The following XRCC6 variants were observed in gnomAD, a reference collection of about 807,000 sequenced individuals.
XRCC6 encodes the protein X-ray repair cross complementing 6.
Under a neutral mutation model 65.7 loss-of-function variants are expected in XRCC6, and 5 were observed. The observed-to-expected ratio is 0.08, with a 90% CI of 0.04 to 0.16. The LOEUF (loss-of-function observed/expected upper bound fraction) is 0.16, where lower values mean the gene tolerates loss of function less well. Among genes scored for constraint, XRCC6 ranks in the 10% least tolerant of loss-of-function variants. The probability of loss-of-function intolerance (pLI) is 1.00; values close to 1 mark genes in which losing one functional copy is unlikely to be tolerated. For synonymous variants in XRCC6, 270 were observed against 270.6 expected (o/e 1.00, Z 0.02); for missense variants, 447 against 738.1 (o/e 0.61, Z 4.57).
In XRCC6 at chr22:41,634,546, CTT is replaced by C. The variant is rs11322023; in HGVS notation, c.196-1552_196-1551del. 4.8e-3 allele frequency among the ~76,000 whole-genome samples: 597 copies of C among 123,392 alleles called. 5 individuals carry two copies. The highest frequency in any genetic ancestry group is 0.017 in the African/African-American group (554 of 33,390). The allele number at this position is 123,392 out of a possible 152,430, so 80.9% of individuals were successfully genotyped here. On this transcript the variant is annotated intron_variant, in intron 3 of 12. Transcript: ENST00000360079. ...TAGGCCCCTAGAACTGATGAACTCT[CTT>C]TTTTTTTTTTTTTTGAGATGGAGTC...
At chr22:41,638,776 CAAAAA>C (rs56677816) in intron 6 of XRCC6, among the ~76,000 whole-genome samples, 1 of 65,700 alleles carries the variant, frequency 1.5e-5, no homozygotes, top group Non-Finnish European at 2.9e-5. Flanking sequence ...GACTCCGCCT[CAAAAA>C]AAAAAAAAAA....
intron 2 of XRCC6, among the ~76,000 whole-genome samples, chr22:41,627,332 G>A (rs2067688997): frequency 6.6e-6 from 1 of 151,986 alleles, no homozygotes; most frequent in African/African-American, 2.4e-5. Context: ...AGGGCGGGGT[G>A]GGGTGCGGTG....
chr22:41,648,696 A>G (rs2147102066), intron 7 of XRCC6, among the ~76,000 whole-genome samples: 1 of 152,296 alleles, frequency 6.6e-6, no homozygotes, highest in East Asian at 1.9e-4. Context: ...TTTAGGGCCT[A>G]TAAGGATGAC....
rs944506740 is a variant in XRCC6 at position 41,628,227 on chromosome 22, C to T, written c.192C>T (p.Ile64=). The T allele has an allele frequency of 6.2e-6, 10 of 1,610,258 alleles. No individual in the cohort carries two copies. The highest frequency in any genetic ancestry group is 1.7e-5 in the Admixed American group (1 of 59,496). ...EDELTPFDMS[I]QCIQSVYISK... is the part of the protein sequence containing the mutation. ...AGTTGACACCTTTTGACATGAGCATCCAGGTAAGACTACCTTTTAATTTAA... is the reference window on the plus strand; with the variant it reads ...AGTTGACACCTTTTGACATGAGCATTCAGGTAAGACTACCTTTTAATTTAA... Residue 64 remains isoleucine (I), a synonymous_variant, in exon 3 of 13, where the codon ATC becomes ATT. Coordinates refer to ENST00000360079, the MANE Select transcript of XRCC6 (RefSeq NM_001469.5).
At chr22:41,644,227 C>G (rs1297270099) in intron 6 of XRCC6, among the ~76,000 whole-genome samples, 1 of 151,902 alleles carries the variant, frequency 6.6e-6, no homozygotes, top group African/African-American at 2.4e-5. Flanking sequence ...TCAAAAATTT[C>G]AGGTTTTCCC....
intron 9 of XRCC6, among the ~76,000 whole-genome samples, chr22:41,655,712 A>T (rs1362085959): frequency 2.3e-5 from 3 of 132,122 alleles, no homozygotes; most frequent in African/African-American, 3.2e-5. Flanking sequence ...AAAAAAAAAA[A>T]TAGTTTTTTC....
chr22:41,626,392 C>T (rs1434190642), intron 2 of XRCC6, among the ~76,000 whole-genome samples: 7 of 152,324 alleles, frequency 4.6e-5, no homozygotes, highest in South Asian at 2.1e-4. Flanking sequence ...CCACATGCCT[C>T]GGCCTCCCAA....
intron 3 of XRCC6, among the ~76,000 whole-genome samples, chr22:41,633,581 C>T (rs1033519710): frequency 6.6e-6 from 1 of 152,094 alleles, no homozygotes; most frequent in Non-Finnish European, 1.5e-5. Flanking sequence ...TGGGGTTTCA[C>T]CATGTTAGCC....
chr22:41,662,699 C>T (rs866886105), intron 12 of XRCC6, among the ~76,000 whole-genome samples: 4 of 152,156 alleles, frequency 2.6e-5, no homozygotes, highest in Admixed American at 6.6e-5. Context: ...GCTTCCAAAA[C>T]AGTGATTTAC....
chr22:41,631,064 C>A (rs550775456), intron 3 of XRCC6, among the ~76,000 whole-genome samples: 1 of 150,440 alleles, frequency 6.6e-6, no homozygotes, highest in African/African-American at 2.5e-5. Flanking sequence ...CCTCACCTCC[C>A]GGACAGGGCT....
chr22:41,637,553 C>T lies in XRCC6; in HGVS notation c.590-55C>T. Reference sequence around the variant, plus strand: ...GTTTCAGTTTTAACTGAAAGAACTTCTCACTTGCTGAAAATTGTTTTTTCC... The same window carrying T: ...GTTTCAGTTTTAACTGAAAGAACTTTTCACTTGCTGAAAATTGTTTTTTCC... On this transcript the variant is annotated intron_variant, in intron 5 of 12. Coordinates refer to ENST00000360079, the MANE Select transcript of XRCC6 (RefSeq NM_001469.5). 3.5e-6 allele frequency: 5 copies of T among 1,431,624 alleles called. No homozygotes were observed. In the South Asian group the frequency reaches 7.2e-5, roughly 21 times the overall value. 88.7% of individuals were successfully genotyped at this position (1,431,624 alleles called of 1,614,324 possible).
chr22:41,633,276 T>C (rs770403581), intron 3 of XRCC6, among the ~76,000 whole-genome samples: 1 of 152,238 alleles, frequency 6.6e-6, no homozygotes, highest in Non-Finnish European at 1.5e-5. Flanking sequence ...TGATTCTCTA[T>C]GTCTAGAATG....
At chr22:41,655,367 G>T (rs1403285754) in intron 9 of XRCC6, among the ~76,000 whole-genome samples, 1 of 151,258 alleles carries the variant, frequency 6.6e-6, no homozygotes, top group African/African-American at 2.4e-5. Flanking sequence ...AAGATACATG[G>T]TAAGAAGGAA....
At chr22:41,635,147 C>T (rs1242106855) in intron 3 of XRCC6, among the ~76,000 whole-genome samples, 1 of 152,156 alleles carries the variant, frequency 6.6e-6, no homozygotes, top group Admixed American at 6.6e-5. Flanking sequence ...TGCATATAAC[C>T]TACACACATC....
chr22:41,630,796 C>G (rs2147073486), intron 3 of XRCC6, among the ~76,000 whole-genome samples: 1 of 152,178 alleles, frequency 6.6e-6, no homozygotes, highest in East Asian at 1.9e-4. Context: ...CACAGATCAA[C>G]AGGATCCCAA....
chr22:41,623,776 A>G (rs2067638091), intron 2 of XRCC6, among the ~76,000 whole-genome samples: 1 of 152,028 alleles, frequency 6.6e-6, no homozygotes, highest in South Asian at 2.1e-4. Context: ...GCTGGAGTGC[A>G]CTGACTCAAT....
intron 7 of XRCC6, among the ~76,000 whole-genome samples, chr22:41,649,374 C>T (rs1221246285): frequency 6.7e-6 from 1 of 150,102 alleles, no homozygotes; most frequent in Non-Finnish European, 1.5e-5. Context: ...CAGGATCTCA[C>T]TATGTTACCC....
At chr22:41,632,878 C>T (rs2067770885) in intron 3 of XRCC6, among the ~76,000 whole-genome samples, 1 of 151,152 alleles carries the variant, frequency 6.6e-6, no homozygotes, top group African/African-American at 2.4e-5. Context: ...CCTGTAATCC[C>T]AGCACTTTGG....
chr22:41,655,489 G>A (rs532082043), intron 9 of XRCC6, among the ~76,000 whole-genome samples: 2 of 151,856 alleles, frequency 1.3e-5, no homozygotes, highest in South Asian at 2.1e-4. Flanking sequence ...GGCGGATCAC[G>A]ATGTCAGGAG....
Sources: allele counts gnomAD v4.1 joint callset (sites outside exome capture counted in the v4.1 genomes callset), GRCh38; gene constraint gnomAD v4.1.1; transcripts MANE v1.5; gene names NCBI Gene and HGNC (gene_info 2026-07-23, HGNC 2026-07-21).